TYW1B: variants seen among roughly 807,000 people sequenced by gnomAD.
TYW1B encodes tRNA-yW synthesizing protein 1 homolog B.
TYW1B carries 73 observed loss-of-function variants against 86.9 expected under a neutral mutation model. That is an observed-to-expected ratio of 0.84 (90% CI 0.70 to 1.02). TYW1B has a LOEUF of 1.02. TYW1B is among the 50% of genes least tolerant of loss of function. TYW1B has a pLI of 0.00. For missense variants in TYW1B, 637 were observed against 827.4 expected (o/e 0.77, Z 2.82); for synonymous variants, 248 against 292.8 (o/e 0.85, Z 1.56).
chr7:72,776,972 C>T lies in TYW1B; in HGVS notation c.964+444G>A, dbSNP rs190701494. On this transcript the variant is annotated intron_variant, in intron 7 of 13. Transcript: ENST00000620995. Reference sequence around the variant, plus strand: ...GGGAGGGGGAAGAAGGAAAGGAGGTCGGTCTACTGATTCCCATTTTACTAC... The same window carrying T: ...GGGAGGGGGAAGAAGGAAAGGAGGTTGGTCTACTGATTCCCATTTTACTAC... Among the ~76,000 whole-genome samples, 180 of 152,104 alleles carry T rather than the reference C, an allele frequency of 1.2e-3. 2 individuals carry two copies. The highest frequency in any genetic ancestry group is 2.5e-3 in the African/African-American group (104 of 41,520).
intron 8 of TYW1B, among the ~76,000 whole-genome samples, chr7:72,730,208 T>C (rs1288119229): frequency 6.6e-6 from 1 of 151,538 alleles, no homozygotes; most frequent in Non-Finnish European, 1.5e-5. Flanking sequence ...CAAAGAAACA[T>C]GATTAGTTCT....
chr7:72,804,486 C>T (rs1788460539), intron 5 of TYW1B, among the ~76,000 whole-genome samples: 1 of 151,998 alleles, frequency 6.6e-6, no homozygotes. Context: ...TCACGGACAG[C>T]TATGACAATA....
chr7:72,772,438 A>T (rs1554469833), intron 7 of TYW1B, among the ~76,000 whole-genome samples: 1 of 152,226 alleles, frequency 6.6e-6, no homozygotes, highest in Non-Finnish European at 1.5e-5. Context: ...TCTTTGAAAG[A>T]AGATGAAGAA....
rs782705543 is a variant in TYW1B at position 72,616,857 on chromosome 7, C to T, written c.1618-18G>A. 28 of 1,613,442 alleles carry T rather than the reference C, an allele frequency of 1.7e-5. No individual in the cohort carries two copies. The highest frequency in any genetic ancestry group is 1.7e-5 in the Non-Finnish European group (20 of 1,179,540). On this transcript the variant is annotated intron_variant, in intron 12 of 13. Coordinates refer to ENST00000620995, the MANE Select transcript of TYW1B (RefSeq NM_001145440.3). ...GTAACGCCCTGTGGAAACAGTATAACCATCAGAGATGACTACAGACCTACC... is the reference window on the plus strand; with the variant it reads ...GTAACGCCCTGTGGAAACAGTATAATCATCAGAGATGACTACAGACCTACC...
At chr7:72,797,720 A>G (rs1464960194) in intron 6 of TYW1B, among the ~76,000 whole-genome samples, 6 of 152,250 alleles carry the variant, frequency 3.9e-5, no homozygotes, top group African/African-American at 1.4e-4. Flanking sequence ...CTGTCTCAAA[A>G]ACATCAAAAA....
chr7:72,577,121 C>CT (rs1811041415), intron 13 of TYW1B, among the ~76,000 whole-genome samples: 1 of 151,124 alleles, frequency 6.6e-6, no homozygotes, highest in Non-Finnish European at 1.5e-5. Flanking sequence ...GAGTGAAACT[C>CT]TGTCTCAAAA....
At chr7:72,818,444 G>A (rs1788765736) in intron 2 of TYW1B, among the ~76,000 whole-genome samples, 2 of 126,086 alleles carry the variant, frequency 1.6e-5, no homozygotes, top group Non-Finnish European at 3.1e-5. Context: ...GCTGGGTGTG[G>A]TGGCATATAC....
chr7:72,766,610 T>A (rs1787773943), intron 7 of TYW1B, among the ~76,000 whole-genome samples: 1 of 65,326 alleles, frequency 1.5e-5, no homozygotes. Flanking sequence ...TGAGATTCAG[T>A]CTCAAAAAAA....
At chr7:72,772,492 A>C (rs1309323115) in intron 7 of TYW1B, among the ~76,000 whole-genome samples, 33 of 152,184 alleles carry the variant, frequency 2.2e-4, no homozygotes, top group Admixed American at 2.1e-3. Context: ...GTTGACCCAA[A>C]GAGAGAAAAA....
At chr7:72,581,181 T>C (rs1585823181) in intron 13 of TYW1B, among the ~76,000 whole-genome samples, 1 of 119,634 alleles carries the variant, frequency 8.4e-6, no homozygotes, top group East Asian at 2.3e-4. Context: ...TGCTTAGAGG[T>C]TTCTTCTCAG....
chr7:72,717,043 G>A (rs1329169868), intron 9 of TYW1B, among the ~76,000 whole-genome samples: 2 of 151,916 alleles, frequency 1.3e-5, no homozygotes, highest in Non-Finnish European at 2.9e-5. Context: ...GCTCATGCCT[G>A]TAATCCCAGC....
At chr7:72,770,427 C>CAAAAAAAAA (rs587645992) in intron 7 of TYW1B, among the ~76,000 whole-genome samples, 26 of 94,200 alleles carry the variant, frequency 2.8e-4, no homozygotes, top group Non-Finnish European at 3.8e-4. Flanking sequence ...GACTCCGTCT[C>CAAAAAAAAA]AAAAAAAAAA....
At chr7:72,633,936 T>C (rs1554440359) in intron 11 of TYW1B, among the ~76,000 whole-genome samples, 1 of 152,146 alleles carries the variant, frequency 6.6e-6, no homozygotes, top group Non-Finnish European at 1.5e-5. Context: ...TACATTCTTT[T>C]GTGTCTGGCT....
intron 8 of TYW1B, among the ~76,000 whole-genome samples, chr7:72,742,149 A>G (rs1358521489): frequency 1.3e-5 from 2 of 152,148 alleles, no homozygotes; most frequent in Non-Finnish European, 2.9e-5. Flanking sequence ...GTTTGTTTTG[A>G]GACAGGGTCT....
chr7:72,798,338 C>A (rs1554474918), intron 6 of TYW1B, among the ~76,000 whole-genome samples: 2 of 151,942 alleles, frequency 1.3e-5, no homozygotes, highest in Non-Finnish European at 2.9e-5. Context: ...TTGCAGTGAG[C>A]CGAGATCGCG....
intron 11 of TYW1B, among the ~76,000 whole-genome samples, chr7:72,681,037 A>G (rs1245428870): frequency 2.6e-5 from 4 of 152,178 alleles, no homozygotes; most frequent in African/African-American, 7.2e-5. Flanking sequence ...TCTAGACCCT[A>G]TAAGGTAGGC....
intron 5 of TYW1B, among the ~76,000 whole-genome samples, chr7:72,806,484 C>A (rs543215145): frequency 6.6e-6 from 1 of 152,178 alleles, no homozygotes; most frequent in East Asian, 1.9e-4. Context: ...GATCCACCCA[C>A]CTTGGCCTCC....
intron 12 of TYW1B, among the ~76,000 whole-genome samples, chr7:72,628,297 T>C (rs1299456067): frequency 1.3e-5 from 2 of 152,042 alleles, no homozygotes; most frequent in East Asian, 1.9e-4. Context: ...TAAAATAAAA[T>C]AAAATATGAA....
intron 10 of TYW1B, among the ~76,000 whole-genome samples, chr7:72,701,793 A>G (rs2960967): frequency 0.78 from 118,589 of 152,116 alleles, 46,859 homozygotes; most frequent in Middle Eastern, 0.86. Flanking sequence ...TGGTCAGCTC[A>G]TTAATGGACA....
Sources: allele counts gnomAD v4.1 joint callset (sites outside exome capture counted in the v4.1 genomes callset), GRCh38; gene constraint gnomAD v4.1.1; transcripts MANE v1.5; gene names NCBI Gene and HGNC (gene_info 2026-07-23, HGNC 2026-07-21).